Variants in PAK5 observed in about 807,000 individuals in gnomAD.
PAK5 encodes the protein serine/threonine-protein kinase PAK 5.
A neutral mutation model predicts 65.9 loss-of-function variants in PAK5; 16 were observed. The ratio of observed to expected loss-of-function variants is 0.24; its 90% CI spans 0.16 to 0.37. The LOEUF is 0.37. PAK5 is among the 10% of genes least tolerant of loss of function. PAK5 has a pLI of 1.00. For missense variants in PAK5, 785 were observed against 903.9 expected, an observed-to-expected ratio of 0.87 and a Z score of 1.69; for synonymous variants, 371 against 354.9, an observed-to-expected ratio of 1.05 and a Z score of -0.51.
chr20:9,566,768 T>C (rs533545026), intron 4 of PAK5, among the ~76,000 whole-genome samples: 1 of 152,234 alleles, frequency 6.6e-6, no homozygotes, highest in African/African-American at 2.4e-5. Context: ...TATGGACATA[T>C]ATGTATAACA....
At chr20:9,561,653 C>G (rs1259427409) in intron 6 of PAK5, among the ~76,000 whole-genome samples, 1 of 152,144 alleles carries the variant, frequency 6.6e-6, no homozygotes, top group Non-Finnish European at 1.5e-5. Context: ...CACAGGGTTT[C>G]CCAGTACTTT....
intron 3 of PAK5, among the ~76,000 whole-genome samples, chr20:9,617,512 A>C (rs1046210593): frequency 3.4e-5 from 5 of 147,140 alleles, no homozygotes; most frequent in African/African-American, 1.0e-4. Flanking sequence ...TGAGAGACTT[A>C]CTCAATTTGC....
At chr20:9,831,514 AT>A (rs1007965018) in intron 1 of PAK5, among the ~76,000 whole-genome samples, 12 of 151,750 alleles carry the variant, frequency 7.9e-5, no homozygotes, top group South Asian at 2.1e-4. Context: ...TCATTGACTA[AT>A]TTTTTTTTCC....
intron 9 of PAK5, among the ~76,000 whole-genome samples, chr20:9,539,851 C>T (rs2045231731): frequency 1.3e-5 from 2 of 152,128 alleles, no homozygotes; most frequent in Admixed American, 1.3e-4. Context: ...AGAATGAAAA[C>T]TTATTTACTA....
chr20:9,682,085 C>A (rs1221329430), intron 2 of PAK5, among the ~76,000 whole-genome samples: 1 of 152,118 alleles, frequency 6.6e-6, no homozygotes, highest in African/African-American at 2.4e-5. Flanking sequence ...GGGCTGGGCG[C>A]GGTGGCTCAT....
At chr20:9,553,433 G>A (rs1272402649) in intron 7 of PAK5, among the ~76,000 whole-genome samples, 1 of 152,070 alleles carries the variant, frequency 6.6e-6, no homozygotes, top group Non-Finnish European at 1.5e-5. Flanking sequence ...CCAAAATCAA[G>A]ATACCCAACT....
At chr20:9,645,002 GA>G (rs2047114972) in intron 2 of PAK5, among the ~76,000 whole-genome samples, 2 of 152,140 alleles carry the variant, frequency 1.3e-5, no homozygotes, top group South Asian at 4.1e-4. Flanking sequence ...ATGCATACAT[GA>G]AAAATGGGTT....
At chr20:9,735,536 A>G (rs573127990) in intron 1 of PAK5, among the ~76,000 whole-genome samples, 1 of 152,292 alleles carries the variant, frequency 6.6e-6, no homozygotes, top group South Asian at 2.1e-4. Flanking sequence ...CGTTAGGTAA[A>G]GTACTCAGGA....
chr20:9,823,467 G>A (rs996359569), intron 1 of PAK5, among the ~76,000 whole-genome samples: 2 of 152,156 alleles, frequency 1.3e-5, no homozygotes, highest in African/African-American at 4.8e-5. Context: ...TCATGGGGGT[G>A]GTTCCCCCAT....
At chr20:9,818,161 C>T (rs571501127) in intron 1 of PAK5, among the ~76,000 whole-genome samples, 1 of 152,352 alleles carries the variant, frequency 6.6e-6, no homozygotes, top group South Asian at 2.1e-4. Context: ...TCCACCTTGA[C>T]ATCTGATCAC....
At chr20:9,546,648 A>G (rs2045349056) in intron 7 of PAK5, among the ~76,000 whole-genome samples, 1 of 152,220 alleles carries the variant, frequency 6.6e-6, no homozygotes, top group South Asian at 2.1e-4. Context: ...CAGAGAAACA[A>G]CGGAGAATAA....
intron 2 of PAK5, among the ~76,000 whole-genome samples, chr20:9,706,132 T>C (rs2206469): frequency 6.6e-6 from 1 of 152,194 alleles, no homozygotes; most frequent in East Asian, 1.9e-4. Context: ...CACAAATCTC[T>C]ATATAAATAT....
In PAK5 at chr20:9,730,599, G is replaced by T. The variant is rs374237848; in HGVS notation, c.-161-19164C>A. Among the ~76,000 whole-genome samples the T allele has an allele frequency of 1.1e-4, 16 of 152,320 alleles. 1 individual carries two copies. Among genetic ancestry groups the T allele is most frequent in the Admixed American group, 9.2e-4 (14 of 15,300 alleles). The stretch of plus-strand genomic sequence containing the variant: ...GTGTCTCAGGCTCTGAAGACTCTTT[G>T]TAAAAGGTAGAAAGCTCTTGACAAC... On this transcript the variant is annotated intron_variant, in intron 1 of 9. Coordinates refer to ENST00000353224, the MANE Select transcript of PAK5 (RefSeq NM_177990.4).
At chr20:9,727,945 A>G (rs1004725) in intron 1 of PAK5, among the ~76,000 whole-genome samples, 2 of 151,758 alleles carry the variant, frequency 1.3e-5, no homozygotes, top group Non-Finnish European at 2.9e-5. Flanking sequence ...CTTCAAGGAG[A>G]CTCATTTTCT....
At chr20:9,661,664 C>T (rs2047349142) in intron 2 of PAK5, among the ~76,000 whole-genome samples, 1 of 152,116 alleles carries the variant, frequency 6.6e-6, no homozygotes, top group South Asian at 2.1e-4. Flanking sequence ...TTTCTTTAAC[C>T]TCAAGATAAA....
At chr20:9,666,983 A>G (rs1367777677) in intron 2 of PAK5, among the ~76,000 whole-genome samples, 3 of 152,170 alleles carry the variant, frequency 2.0e-5, no homozygotes, top group Non-Finnish European at 2.9e-5. Flanking sequence ...TTCTTTCATT[A>G]AGATGTAGAG....
chr20:9,645,331 C>T (rs545626190), intron 2 of PAK5, among the ~76,000 whole-genome samples: 1 of 152,314 alleles, frequency 6.6e-6, no homozygotes, highest in South Asian at 2.1e-4. Context: ...GCAAAGTATG[C>T]TTTATGATGT....
In PAK5 at chr20:9,667,353, T is replaced by TCATC. The variant is rs1555910875; in HGVS notation, c.-11-23015_-11-23014insGATG. ...ATAGTGACTGTGGCAGAGTTATGCT[T>TCATC]TGCCAGTCTGTGTTCAGGCCCTAAG... On this transcript the variant is annotated intron_variant, in intron 2 of 9. Coordinates refer to ENST00000353224, the MANE Select transcript of PAK5 (RefSeq NM_177990.4). 1.0e-3 allele frequency among the ~76,000 whole-genome samples: 102 copies of TCATC among 101,158 alleles called. 10 individuals are homozygous for TCATC. Among genetic ancestry groups the TCATC allele is most frequent in the East Asian group, 3.8e-3 (7 of 1,848 alleles). The allele number at this position is 101,158 out of a possible 152,430, so 66.4% of individuals were successfully genotyped here.
intron 2 of PAK5, among the ~76,000 whole-genome samples, chr20:9,707,315 G>T (rs1283772822): frequency 6.6e-6 from 1 of 151,930 alleles, no homozygotes; most frequent in Non-Finnish European, 1.5e-5. Flanking sequence ...GCATCTATTT[G>T]CCCAGGCTGG....
Sources: gnomAD v4.1 joint callset for allele counts (sites outside exome capture counted in the v4.1 genomes callset) on GRCh38, gnomAD v4.1.1 for gene constraint, MANE v1.5 for transcripts, NCBI Gene and HGNC (gene_info 2026-07-23, HGNC 2026-07-21) for gene names.